Variants in CNOT2 observed in about 807,000 individuals in gnomAD.
CNOT2 encodes CC chemokine receptor 4-negative regulator of transcription 2.
A neutral mutation model predicts 72.1 loss-of-function variants in CNOT2; 7 were observed. The observed-to-expected ratio is 0.10, with a 90% CI of 0.06 to 0.18. CNOT2 has a LOEUF of 0.18. Among genes scored for constraint, CNOT2 ranks in the 10% least tolerant of loss-of-function variants. The probability of loss-of-function intolerance (pLI) is 1.00; values close to 1 mark genes in which losing one functional copy is unlikely to be tolerated. For synonymous variants in CNOT2, 196 were observed against 225.6 expected, an observed-to-expected ratio of 0.87 and a Z score of 1.17; for missense variants, 345 against 660.3, an observed-to-expected ratio of 0.52 and a Z score of 5.23.
At chr12:70,337,176 C>T in intron 8 of CNOT2, 2 of 379,194 alleles carry the variant, frequency 5.3e-6, no homozygotes, top group Non-Finnish European at 9.6e-6. Flanking sequence ...TGTTGATTTC[C>T]CTTGTATTAT....
intron 2 of CNOT2, among the ~76,000 whole-genome samples, chr12:70,281,698 C>A (rs1401815208): frequency 1.3e-5 from 2 of 152,012 alleles, no homozygotes; most frequent in East Asian, 3.9e-4. Flanking sequence ...TCTTTCATAG[C>A]CTTTACATAC....
intron 11 of CNOT2, among the ~76,000 whole-genome samples, chr12:70,341,301 T>C (rs1881478496): frequency 6.6e-6 from 1 of 152,144 alleles, no homozygotes; most frequent in African/African-American, 2.4e-5. Flanking sequence ...CTGGCCACCT[T>C]GTTATATCTC....
At chr12:70,340,889 C>CTTTTT (rs55884675) in intron 11 of CNOT2, among the ~76,000 whole-genome samples, 1 of 85,684 alleles carries the variant, frequency 1.2e-5, no homozygotes, top group Non-Finnish European at 2.1e-5. Context: ...AACCCCAAAT[C>CTTTTT]TTTTTTTTTT....
intron 2 of CNOT2, among the ~76,000 whole-genome samples, chr12:70,305,408 G>A (rs540517700): frequency 4.6e-5 from 7 of 152,278 alleles, no homozygotes; most frequent in Admixed American, 2.6e-4. Context: ...TCTGCGACAC[G>A]TGGGGATTAT....
At chr12:70,352,914 A>T (rs761681405) in intron 15 of CNOT2, among the ~76,000 whole-genome samples, 2 of 151,972 alleles carry the variant, frequency 1.3e-5, no homozygotes, top group Non-Finnish European at 2.9e-5. Context: ...CTAGTTTTCA[A>T]ATGTTCCTAC....
intron 4 of CNOT2, chr12:70,323,441 A>T (rs1239729927): frequency 6.6e-6 from 1 of 151,788 alleles, no homozygotes; most frequent in Admixed American, 6.6e-5. Context: ...GGTTATTTGG[A>T]TGTTTCAGAT....
At chr12:70,345,310 C>A (rs76044745) in intron 14 of CNOT2, 1 of 152,088 alleles carries the variant, frequency 6.6e-6, no homozygotes, top group East Asian at 1.9e-4. Flanking sequence ...TGAATTGTTT[C>A]GTTTCATTTC....
intron 1 of CNOT2, among the ~76,000 whole-genome samples, chr12:70,262,755 C>T (rs1450585171): frequency 6.7e-6 from 1 of 150,362 alleles, no homozygotes; most frequent in Admixed American, 6.6e-5. Context: ...CTCACCGCAA[C>T]CTCTACCTCC....
chr12:70,247,452 G>A (rs1453754525), intron 1 of CNOT2, among the ~76,000 whole-genome samples: 2 of 152,098 alleles, frequency 1.3e-5, no homozygotes, highest in Non-Finnish European at 2.9e-5. Flanking sequence ...CACCACGCCC[G>A]TCCTATTCTT....
chr12:70,261,124 A>G (rs1175317769), intron 1 of CNOT2, among the ~76,000 whole-genome samples: 2 of 151,446 alleles, frequency 1.3e-5, no homozygotes, highest in Non-Finnish European at 2.9e-5. Context: ...TTTTTGGTGC[A>G]TCTTTTGAGA....
chr12:70,277,343 G>C (rs1869009663), intron 1 of CNOT2, among the ~76,000 whole-genome samples: 1 of 152,042 alleles, frequency 6.6e-6, no homozygotes, highest in African/African-American at 2.4e-5. Flanking sequence ...TGTCACCTCA[G>C]CTTCAGTGCT....
chr12:70,271,866 A>G (rs550360995), intron 1 of CNOT2, among the ~76,000 whole-genome samples: 14 of 152,348 alleles, frequency 9.2e-5, no homozygotes, highest in African/African-American at 1.7e-4. Context: ...TTCAACTTTA[A>G]ACAAAATTGA....
chr12:70,326,623 ATATT>A, intron 4 of CNOT2, among the ~76,000 whole-genome samples: 2 of 151,928 alleles, frequency 1.3e-5, no homozygotes, highest in South Asian at 4.1e-4. Flanking sequence ...ATGACTTAGT[ATATT>A]TAGTTTCCAA....
intron 2 of CNOT2, among the ~76,000 whole-genome samples, chr12:70,278,918 C>G (rs1204139243): frequency 6.6e-6 from 1 of 152,062 alleles, no homozygotes; most frequent in African/African-American, 2.4e-5. Flanking sequence ...AAAGATTGTG[C>G]TATTAAACAG....
intron 1 of CNOT2, among the ~76,000 whole-genome samples, chr12:70,272,862 AGAAACAGCT>A (rs1234106922): frequency 6.6e-6 from 1 of 152,228 alleles, no homozygotes; most frequent in East Asian, 1.9e-4. Context: ...CTAAGAAAAC[AGAAACAGCT>A]GAATGAGAAC....
intron 2 of CNOT2, among the ~76,000 whole-genome samples, chr12:70,307,292 A>G (rs948131446): frequency 5.9e-5 from 9 of 152,280 alleles, no homozygotes; most frequent in African/African-American, 2.2e-4. Flanking sequence ...ACTCTTTAAT[A>G]CTTGACTTAA....
chr12:70,306,116 T>C (rs1875329777), intron 2 of CNOT2, among the ~76,000 whole-genome samples: 1 of 152,154 alleles, frequency 6.6e-6, no homozygotes, highest in Non-Finnish European at 1.5e-5. Context: ...TTTGGTTTGG[T>C]ACAGAGGATT....
chr12:70,269,630 T>C (rs560029499), intron 1 of CNOT2, among the ~76,000 whole-genome samples: 1 of 152,324 alleles, frequency 6.6e-6, no homozygotes, highest in South Asian at 2.1e-4. Flanking sequence ...TTGAAGCAAC[T>C]AAAGTGATAT....
intron 4 of CNOT2, 105 bp from the exon 5 acceptor site, chr12:70,329,318 C>A: frequency 1.4e-6 from 1 of 726,486 alleles, no homozygotes; most frequent in Non-Finnish European, 2.3e-6. Flanking sequence ...AATTTGCGTA[C>A]TATGTTAGGT....
Sources: allele counts gnomAD v4.1 joint callset (sites outside exome capture counted in the v4.1 genomes callset), GRCh38; gene constraint gnomAD v4.1.1; transcripts MANE v1.5; gene names NCBI Gene and HGNC (gene_info 2026-07-23, HGNC 2026-07-21).